Variants in NPFFR2 observed in about 807,000 individuals in gnomAD.
NPFFR2 encodes the protein G-protein coupled receptor 74.
In NPFFR2, 15 loss-of-function variants were observed where a neutral mutation model predicts 13.1. The observed-to-expected ratio is 1.15, with a 90% CI of 0.77 to 1.76. NPFFR2 has a LOEUF of 1.76. Among genes scored for constraint, NPFFR2 ranks in the 40% most tolerant of loss-of-function variants. The pLI, the probability that NPFFR2 is intolerant of heterozygous loss-of-function variation, is 0.00. For synonymous variants in NPFFR2, 190 were observed against 175.7 expected, an observed-to-expected ratio of 1.08 and a Z score of -0.65; for missense variants, 572 against 503.5, an observed-to-expected ratio of 1.14 and a Z score of -1.30.
chr4:72,123,715 C>T (rs1019618690), intron 1 of NPFFR2, among the ~76,000 whole-genome samples: 1 of 152,092 alleles, frequency 6.6e-6, no homozygotes, highest in African/African-American at 2.4e-5. Context: ...ATTCAACAGC[C>T]CTTCATGCTA....
chr4:72,127,615 G>A (rs546993232), intron 1 of NPFFR2, among the ~76,000 whole-genome samples: 81 of 145,908 alleles, frequency 5.6e-4, no homozygotes, highest in Non-Finnish European at 9.8e-4. Context: ...CGCCCGCCTC[G>A]GCCTCCCAAA....
At chr4:72,054,685 G>A (rs1483389633) in intron 1 of NPFFR2, among the ~76,000 whole-genome samples, 1 of 151,612 alleles carries the variant, frequency 6.6e-6, no homozygotes, top group Non-Finnish European at 1.5e-5. Flanking sequence ...ACACAGTTGA[G>A]AAAACAAAGA....
At chr4:72,121,950 C>T (rs1721893479) in intron 1 of NPFFR2, among the ~76,000 whole-genome samples, 2 of 152,156 alleles carry the variant, frequency 1.3e-5, no homozygotes, top group South Asian at 4.2e-4. Context: ...AAAAGACACA[C>T]ACTGGCAAAT....
chr4:72,097,236 G>A (rs760037874), intron 1 of NPFFR2, among the ~76,000 whole-genome samples: 17 of 151,942 alleles, frequency 1.1e-4, no homozygotes, highest in Admixed American at 2.0e-4. Context: ...ATCAAATACC[G>A]TTTTTGTGGC....
chr4:72,091,503 CT>C (rs1466341543), intron 1 of NPFFR2, among the ~76,000 whole-genome samples: 4 of 151,816 alleles, frequency 2.6e-5, no homozygotes, highest in Non-Finnish European at 4.4e-5. Flanking sequence ...CAATTTACCA[CT>C]GCTCACTGCT....
intron 1 of NPFFR2, among the ~76,000 whole-genome samples, chr4:72,072,326 A>G (rs1720280751): frequency 6.6e-6 from 1 of 152,154 alleles, no homozygotes; most frequent in Admixed American, 6.6e-5. Flanking sequence ...AAGAATGCCA[A>G]GAAGTCAATG....
At chr4:72,032,483 C>A (rs183358112) in intron 1 of NPFFR2, among the ~76,000 whole-genome samples, 1 of 152,190 alleles carries the variant, frequency 6.6e-6, no homozygotes, top group Non-Finnish European at 1.5e-5. Context: ...AAAGTTCCCC[C>A]CAAGCCCTCT....
chr4:72,066,836 C>A (rs1405065058), intron 1 of NPFFR2, among the ~76,000 whole-genome samples: 1 of 152,150 alleles, frequency 6.6e-6, no homozygotes, highest in African/African-American at 2.4e-5. Flanking sequence ...ACTGAGTGTA[C>A]CCCAAGCAGC....
intron 1 of NPFFR2, among the ~76,000 whole-genome samples, chr4:72,078,678 T>C (rs1023155124): frequency 6.6e-6 from 1 of 152,026 alleles, no homozygotes; most frequent in African/African-American, 2.4e-5. Flanking sequence ...GCTACATTGA[T>C]AAAAAAGCAA....
chr4:72,048,876 T>C (rs1719462675), intron 1 of NPFFR2, among the ~76,000 whole-genome samples: 1 of 152,100 alleles, frequency 6.6e-6, no homozygotes. Flanking sequence ...GTTATATTGC[T>C]TATAGAGCCA....
intron 1 of NPFFR2, among the ~76,000 whole-genome samples, chr4:72,101,981 T>A (rs531537216): frequency 6.6e-6 from 1 of 152,262 alleles, no homozygotes; most frequent in East Asian, 1.9e-4. Context: ...AGCCACAGGA[T>A]ATGCAGCATA....
chr4:72,066,402 A>G (rs1720072884), intron 1 of NPFFR2, among the ~76,000 whole-genome samples: 1 of 152,166 alleles, frequency 6.6e-6, no homozygotes. Context: ...TCCCTCTTAG[A>G]TGAAAAATAT....
chr4:72,089,722 C>T (rs951231810), intron 1 of NPFFR2, among the ~76,000 whole-genome samples: 1 of 151,816 alleles, frequency 6.6e-6, no homozygotes, highest in African/African-American at 2.4e-5. Context: ...GATATTAGTC[C>T]CTTGTCAGAT....
chr4:72,047,142 G>C (rs949239652), intron 1 of NPFFR2, among the ~76,000 whole-genome samples: 1 of 150,978 alleles, frequency 6.6e-6, no homozygotes, highest in African/African-American at 2.4e-5. Flanking sequence ...AGAGTGAAAG[G>C]ATTTGGAAAA....
chr4:72,127,258 C>G lies in NPFFR2; in HGVS notation c.-7-1327C>G, dbSNP rs62320814. Among the ~76,000 whole-genome samples, 744 of 105,590 alleles carry G rather than the reference C, an allele frequency of 7.0e-3. 10 individuals are homozygous for G. The highest frequency in any genetic ancestry group is 0.028 in the African/African-American group (712 of 25,042). The allele number at this position is 105,590 out of a possible 152,430, so 69.3% of individuals were successfully genotyped here. A position where few individuals can be genotyped will look rare whatever the true frequency, so the allele number is the denominator to read the frequency against. On this transcript the variant is annotated intron_variant, in intron 1 of 3. Transcript: ENST00000308744. ...GGTGGAGCTTGCAGTGAGCCGAGAT[C>G]GCGCCACTGCACTCCAGCCTGGGTG...
intron 1 of NPFFR2, among the ~76,000 whole-genome samples, chr4:72,104,560 C>T (rs1372870630): frequency 1.5e-4 from 23 of 152,016 alleles, no homozygotes; most frequent in African/African-American, 5.1e-4. Flanking sequence ...TCATAAACCC[C>T]AAAGCATATA....
At chr4:72,128,324 A>G (rs1408647037) in intron 1 of NPFFR2, among the ~76,000 whole-genome samples, 1 of 152,208 alleles carries the variant, frequency 6.6e-6, no homozygotes, top group Non-Finnish European at 1.5e-5. Context: ...AAGAAGTGAA[A>G]TATAGAGTGT....
At position 72,127,266 on chromosome 4, in the gene NPFFR2, T is replaced by A. The variant is rs1235219539; in HGVS notation, c.-7-1319T>A. 3.3e-5 allele frequency among the ~76,000 whole-genome samples: 3 copies of A among 91,994 alleles called. No homozygotes were observed. In the East Asian group the frequency reaches 1.1e-3, roughly 33 times the overall value. 60.4% of individuals were successfully genotyped at this position (91,994 alleles called of 152,430 possible). A position where few individuals can be genotyped will look rare whatever the true frequency, so the allele number is the denominator to read the frequency against. On this transcript the variant is annotated intron_variant, in intron 1 of 3. Coordinates refer to ENST00000308744, the MANE Select transcript of NPFFR2 (RefSeq NM_004885.3). The stretch of plus-strand genomic sequence containing the variant: ...TTGCAGTGAGCCGAGATCGCGCCAC[T>A]GCACTCCAGCCTGGGTGACAGAGCT...
At chr4:72,089,566 C>A (rs1720860650) in intron 1 of NPFFR2, among the ~76,000 whole-genome samples, 1 of 152,122 alleles carries the variant, frequency 6.6e-6, no homozygotes, top group Admixed American at 6.6e-5. Flanking sequence ...TTGCATTTCT[C>A]TGATAATTAG....
Sources: allele counts gnomAD v4.1 joint callset (sites outside exome capture counted in the v4.1 genomes callset), GRCh38; gene constraint gnomAD v4.1.1; transcripts MANE v1.5; gene names NCBI Gene and HGNC (gene_info 2026-07-23, HGNC 2026-07-21).